Variants in ITGB6 observed in about 807,000 individuals in gnomAD.
ITGB6 encodes the protein integrin beta-6.
A neutral mutation model predicts 84.5 loss-of-function variants in ITGB6; 80 were observed. The observed-to-expected ratio is 0.95, with a 90% CI of 0.79 to 1.14. The LOEUF (loss-of-function observed/expected upper bound fraction) is 1.14. ITGB6 is among the 50% of genes most tolerant of loss of function. The pLI is 0.00. For missense variants in ITGB6, 1,006 were observed against 968.0 expected, an observed-to-expected ratio of 1.04 and a Z score of -0.52; for synonymous variants, 383 against 354.9, an observed-to-expected ratio of 1.08 and a Z score of -0.89.
chr2:160,163,097 C>G (rs1361527431), intron 7 of ITGB6, among the ~76,000 whole-genome samples: 1 of 152,144 alleles, frequency 6.6e-6, no homozygotes, highest in Non-Finnish European at 1.5e-5. Context: ...TGTTCCCTAG[C>G]TGTGTGGCCT....
At chr2:160,168,044 C>T (rs1685069011) in intron 7 of ITGB6, among the ~76,000 whole-genome samples, 1 of 152,176 alleles carries the variant, frequency 6.6e-6, no homozygotes, top group African/African-American at 2.4e-5. Flanking sequence ...ATATCACATA[C>T]TAAAAAGCCT....
chr2:160,184,657 C>G (rs1364211265), intron 4 of ITGB6, among the ~76,000 whole-genome samples: 1 of 152,154 alleles, frequency 6.6e-6, no homozygotes, highest in Non-Finnish European at 1.5e-5. Flanking sequence ...AATACACAAG[C>G]CTGGCAGAGA....
At chr2:160,180,120 AAAAAAAAACAAAC>A (rs1337761258) in intron 4 of ITGB6, among the ~76,000 whole-genome samples, 3 of 149,360 alleles carry the variant, frequency 2.0e-5, no homozygotes, top group African/African-American at 7.5e-5. Flanking sequence ...CCTCAAAAAA[AAAAAAAAACAAAC>A]AAAAAAAACA....
intron 13 of ITGB6, among the ~76,000 whole-genome samples, chr2:160,108,214 A>AGTGAGTGTGTGTGT (rs1348320206): frequency 7.0e-6 from 1 of 142,720 alleles, no homozygotes; most frequent in Non-Finnish European, 1.5e-5. Flanking sequence ...GCAGAAATGG[A>AGTGAGTGTGTGTGT]GTGTGTGTGT....
At chr2:160,190,377 A>G (rs956902150) in intron 4 of ITGB6, among the ~76,000 whole-genome samples, 5 of 152,174 alleles carry the variant, frequency 3.3e-5, no homozygotes, top group African/African-American at 1.2e-4. Flanking sequence ...ACTCTTTGTG[A>G]TTGGCATTGT....
In ITGB6 at chr2:160,137,496, T is replaced by C; in HGVS notation, c.1598A>G (p.Tyr533Cys). The stretch of plus-strand genomic sequence containing the variant: ...ATTGTCACACTGGCAATAAGGCCCA[T>C]AAATGTTTCCATAGGGAGACAAGTG... ...ICHLSPYGNI[Y>C]GPYCQCDNFS... is the part of the protein sequence containing the mutation. The change falls in exon 10 of 15, where the codon TAT becomes TGT. Residue 533 changes from tyrosine to cysteine, a missense_variant. By Grantham distance (194) the Tyr-to-Cys change is radical (BLOSUM62 -2). Transcript: ENST00000283249. The C allele has an allele frequency of 6.2e-7, 1 of 1,614,158 alleles. No individual in the cohort carries two copies.
intron 4 of ITGB6, among the ~76,000 whole-genome samples, chr2:160,193,525 T>C (rs1030442634): frequency 2.0e-5 from 3 of 152,270 alleles, no homozygotes; most frequent in Admixed American, 6.5e-5. Context: ...TTCTACATCA[T>C]GTTTTGGATA....
Position 160,141,962 on chromosome 2 carries a change from C to A in ITGB6, c.1107+20G>T, listed in dbSNP as rs1175275496. 2.0e-6 allele frequency: 3 copies of A among 1,498,256 alleles called. No homozygotes were observed. The highest frequency in any genetic ancestry group is 1.8e-5 in the Admixed American group (1 of 56,678). The allele number at this position is 1,498,256 out of a possible 1,614,324, so 92.8% of individuals were successfully genotyped here. A position where few individuals can be genotyped will look rare whatever the true frequency, so the allele number is the denominator to read the frequency against. On this transcript the variant is annotated intron_variant, in intron 8 of 14. Coordinates refer to ENST00000283249, the MANE Select transcript of ITGB6 (RefSeq NM_000888.5). ...ATACCAAAGAAATGCAAAAAAGAAGCCAGCTGTAAAATATCCTACTTCATA... is the reference window on the plus strand; with the variant it reads ...ATACCAAAGAAATGCAAAAAAGAAGACAGCTGTAAAATATCCTACTTCATA...
intron 12 of ITGB6, among the ~76,000 whole-genome samples, chr2:160,120,472 T>A (rs376040574): frequency 6.1e-5 from 2 of 32,588 alleles, no homozygotes; most frequent in African/African-American, 1.3e-4. Context: ...AACAATGAGA[T>A]CACTTGGACA....
intron 10 of ITGB6, among the ~76,000 whole-genome samples, chr2:160,128,105 T>G (rs1002082312): frequency 2.6e-5 from 4 of 152,168 alleles, no homozygotes; most frequent in African/African-American, 9.7e-5. Context: ...GATATAAAAT[T>G]AAATAAGACA....
chr2:160,118,311 C>A (rs570427780), intron 12 of ITGB6, among the ~76,000 whole-genome samples: 1 of 152,308 alleles, frequency 6.6e-6, no homozygotes, highest in South Asian at 2.1e-4. Flanking sequence ...AAAAGCTTAT[C>A]CACCATGATC....
At chr2:160,117,704 CA>C (rs1355382502) in intron 12 of ITGB6, among the ~76,000 whole-genome samples, 3 of 151,920 alleles carry the variant, frequency 2.0e-5, no homozygotes, top group Admixed American at 6.6e-5. Flanking sequence ...AAAAACCCTT[CA>C]AAAAATTAAT....
Position 160,123,811 on chromosome 2 carries a change from G to A in ITGB6, c.1961C>T (p.Ala654Val), listed in dbSNP as rs150971153. Residue 654 changes from alanine (A) to valine (V), a missense_variant, in exon 12 of 15, where the codon GCG (alanine) becomes GTG (valine). By Grantham distance (64) the Ala-to-Val change is moderately conservative (BLOSUM62 0). Transcript: ENST00000283249. ...ECVDKCKLAGATISEEEDFSK... is the reference protein window; with the variant it reads ...ECVDKCKLAGVTISEEEDFSK... ...AGAACCTTCTTCTTCACTGATGGTCGCACCAGCTAGTTTGCACTTGTCCAC... is the reference window on the plus strand; with the variant it reads ...AGAACCTTCTTCTTCACTGATGGTCACACCAGCTAGTTTGCACTTGTCCAC... 4.0e-5 allele frequency: 65 copies of A among 1,613,440 alleles called. No individual in the cohort carries two copies. The African/African-American group carries it at 4.4e-4, about 11-fold the overall frequency.
intron 4 of ITGB6, among the ~76,000 whole-genome samples, chr2:160,194,996 C>G (rs1258408334): frequency 6.6e-6 from 1 of 152,172 alleles, no homozygotes; most frequent in Non-Finnish European, 1.5e-5. Context: ...AGGTTATTCT[C>G]AAATAACCTC....
At chr2:160,178,320 T>C (rs578072631) in intron 4 of ITGB6, among the ~76,000 whole-genome samples, 6 of 152,368 alleles carry the variant, frequency 3.9e-5, no homozygotes, top group African/African-American at 1.4e-4. Context: ...AGGTACACCA[T>C]TGTGCCTGGG....
At chr2:160,114,224 C>T (rs16844802) in intron 12 of ITGB6, among the ~76,000 whole-genome samples, 30,570 of 152,092 alleles carry the variant, frequency 0.2, 3,378 homozygotes, top group Admixed American at 0.32. Context: ...ATGACTGTTA[C>T]GGCTCTAGAT....
At chr2:160,113,452 C>A (rs182591558) in intron 12 of ITGB6, among the ~76,000 whole-genome samples, 1 of 152,314 alleles carries the variant, frequency 6.6e-6, no homozygotes, top group Non-Finnish European at 1.5e-5. Context: ...AAACAGGAAC[C>A]AGCAAGACAT....
intron 14 of ITGB6, among the ~76,000 whole-genome samples, chr2:160,103,801 C>G (rs1175926516): frequency 6.6e-6 from 1 of 152,120 alleles, no homozygotes; most frequent in African/African-American, 2.4e-5. Context: ...AAGCTCCCAC[C>G]TTTGTGAACA....
intron 4 of ITGB6, among the ~76,000 whole-genome samples, chr2:160,189,861 C>T (rs144690902): frequency 0.19 from 29,237 of 152,068 alleles, 3,729 homozygotes; most frequent in Middle Eastern, 0.37. Flanking sequence ...TGGGTATATA[C>T]CCAAAGGATT....
Sources: gnomAD v4.1 joint callset for allele counts (sites outside exome capture counted in the v4.1 genomes callset) on GRCh38, gnomAD v4.1.1 for gene constraint, MANE v1.5 for transcripts, NCBI Gene and HGNC (gene_info 2026-07-23, HGNC 2026-07-21) for gene names.